EPHB2: variants seen among roughly 807,000 people sequenced by gnomAD.
EPHB2 encodes the protein EPH receptor B2.
EPHB2 carries 18 observed loss-of-function variants against 96.4 expected under a neutral mutation model. That is an observed-to-expected ratio of 0.19 (90% CI 0.13 to 0.28). The LOEUF (loss-of-function observed/expected upper bound fraction) is 0.28, where lower values mean the gene tolerates loss of function less well. EPHB2 is among the 10% of genes least tolerant of loss of function. EPHB2 has a pLI of 1.00. For missense variants in EPHB2, 989 were observed against 1,355.4 expected, an observed-to-expected ratio of 0.73 and a Z score of 4.25; for synonymous variants, 506 against 534.1, an observed-to-expected ratio of 0.95 and a Z score of 0.72.
intron 3 of EPHB2, among the ~76,000 whole-genome samples, chr1:22,805,114 A>C (rs1570310757): frequency 8.4e-6 from 1 of 119,110 alleles, no homozygotes; most frequent in Non-Finnish European, 1.7e-5. Flanking sequence ...TGCCCCCACC[A>C]CCTCCCAGGG....
intron 5 of EPHB2, among the ~76,000 whole-genome samples, chr1:22,874,039 C>T (rs965960903): frequency 5.9e-5 from 9 of 152,202 alleles, no homozygotes; most frequent in Admixed American, 3.3e-4. Flanking sequence ...CCTGCAGTCA[C>T]ACATTGGCCT....
rs148933716 is a variant in EPHB2 at position 22,720,130 on chromosome 1, T to A, written c.61+9087T>A. On this transcript the variant is annotated intron_variant, in intron 1 of 15. Transcript: ENST00000374630. ...CTAGTCTAGACTGCGCCTCTATCCA[T>A]GGCAATTAGCTCCCAAGATGGTGAA... 3.3e-4 allele frequency among the ~76,000 whole-genome samples: 50 copies of A among 152,280 alleles called. No homozygotes were observed. The East Asian group carries it at 8.9e-3, about 27-fold the overall frequency.
chr1:22,770,722 C>G (rs919399277), intron 1 of EPHB2, among the ~76,000 whole-genome samples: 3 of 152,190 alleles, frequency 2.0e-5, no homozygotes, highest in Admixed American at 6.5e-5. Context: ...TACTTAACCT[C>G]TCTGAAGGTT....
chr1:22,877,591 A>T (rs138926992), intron 5 of EPHB2, among the ~76,000 whole-genome samples: 2 of 151,852 alleles, frequency 1.3e-5, no homozygotes, highest in African/African-American at 4.8e-5. Flanking sequence ...CTGCTCCAAG[A>T]CCCTCTGAGC....
intron 1 of EPHB2, among the ~76,000 whole-genome samples, chr1:22,764,525 C>G (rs963357104): frequency 6.6e-6 from 1 of 152,102 alleles, no homozygotes; most frequent in African/African-American, 2.4e-5. Flanking sequence ...CCAGGCGGAT[C>G]ATTTGAGGCC....
At position 22,915,979 on chromosome 1, in the gene EPHB2, C is replaced by A. The variant is rs1338387454; in HGVS notation, c.*2409C>A. 6.6e-6 allele frequency: 1 copy of A among 152,390 alleles called. No individual in the cohort carries two copies. Among genetic ancestry groups the A allele is most frequent in the African/African-American group, 2.4e-5 (1 of 41,450 alleles). The allele number at this position is 152,390 out of a possible 1,614,324, so 9.4% of individuals were successfully genotyped here. ...GCCCATCGTCTGTCACTCACCTGTT[C>A]CGGGAGCCTGAGCTGCAAAGGGAAG... On this transcript the variant is annotated 3_prime_UTR_variant, in exon 16 of 16. Coordinates refer to ENST00000374630, the MANE Select transcript of EPHB2 (RefSeq NM_017449.5).
chr1:22,818,559 T>C (rs1198054547), intron 3 of EPHB2, among the ~76,000 whole-genome samples: 1 of 151,988 alleles, frequency 6.6e-6, no homozygotes, highest in Admixed American at 6.6e-5. Context: ...AGGATAAAGG[T>C]CAAACTCCTT....
chr1:22,761,370 C>T (rs1334953267), intron 1 of EPHB2, among the ~76,000 whole-genome samples: 1 of 152,210 alleles, frequency 6.6e-6, no homozygotes, highest in Non-Finnish European at 1.5e-5. Context: ...GTACTTTATA[C>T]TTCCATCTGA....
rs1170940891 is a variant in EPHB2, at chr1:22,790,828, G to A, written c.811+5752G>A. 6.6e-6 allele frequency among the ~76,000 whole-genome samples: 1 copy of A among 152,206 alleles called. No homozygotes were observed. Among genetic ancestry groups the A allele is most frequent in the Non-Finnish European group, 1.5e-5 (1 of 68,044 alleles). ...GCTAGCCAGCTCGGGGTGGTTGCAC[G>A]CACATGTTGATTCGCTGGCTCCAGC... is the stretch of plus-strand genomic sequence containing the variant. On this transcript the variant is annotated intron_variant, in intron 3 of 15. Transcript: ENST00000374630. This position sits in a 1 kb window ranked among gnomAD's most constrained non-coding sequence, Gnocchi z 4.0.
chr1:22,890,894 C>T (rs748282217), intron 6 of EPHB2, among the ~76,000 whole-genome samples: 8 of 152,178 alleles, frequency 5.3e-5, no homozygotes, highest in Non-Finnish European at 1.0e-4. Context: ...CCTGAGGCCT[C>T]CCCAGGCATG....
chr1:22,787,611 G>A lies in EPHB2; in HGVS notation c.811+2535G>A, dbSNP rs12066464. Among the ~76,000 whole-genome samples, 633 of 152,214 alleles carry A rather than the reference G, an allele frequency of 4.2e-3. 10 individuals carry two copies. Among genetic ancestry groups the A allele is most frequent in the African/African-American group, 0.014 (597 of 41,530 alleles). Reference sequence around the variant, plus strand: ...CAAAGAAAGAAAAAGAAAAAAATTAGCCAGGTGTGGTGATGTGCATCTGTA... The same window carrying A: ...CAAAGAAAGAAAAAGAAAAAAATTAACCAGGTGTGGTGATGTGCATCTGTA... On this transcript the variant is annotated intron_variant, in intron 3 of 15. Coordinates refer to ENST00000374630, the MANE Select transcript of EPHB2 (RefSeq NM_017449.5).
chr1:22,782,062 T>A (rs541516494), intron 2 of EPHB2, among the ~76,000 whole-genome samples: 4 of 152,266 alleles, frequency 2.6e-5, no homozygotes, highest in African/African-American at 7.2e-5. Context: ...GGGTCTATGC[T>A]GTGAGCTCTC....
chr1:22,738,717 T>G (rs938242638), intron 1 of EPHB2, among the ~76,000 whole-genome samples: 3 of 152,204 alleles, frequency 2.0e-5, no homozygotes, highest in Non-Finnish European at 4.4e-5. Context: ...ATTCCTTGCA[T>G]TCAACAATTG....
In EPHB2 at chr1:22,786,164, T is replaced by A. The variant is rs72880958; in HGVS notation, c.811+1088T>A. The stretch of plus-strand genomic sequence containing the variant: ...AATCACCCCTTCCACTCACTAGCGG[T>A]ATCACCTTGGCCAAGTGTAAAACCC... On this transcript the variant is annotated intron_variant, in intron 3 of 15. Coordinates refer to ENST00000374630, the MANE Select transcript of EPHB2 (RefSeq NM_017449.5). 4.4e-3 allele frequency among the ~76,000 whole-genome samples: 670 copies of A among 152,318 alleles called. 4 individuals are homozygous for A. The highest frequency in any genetic ancestry group is 0.015 in the African/African-American group (632 of 41,572).
chr1:22,739,421 G>T (rs1643878521), intron 1 of EPHB2, among the ~76,000 whole-genome samples: 2 of 152,076 alleles, frequency 1.3e-5, no homozygotes, highest in South Asian at 2.1e-4. Flanking sequence ...TCACCTTGTT[G>T]GCCAGGCTGG....
intron 6 of EPHB2, among the ~76,000 whole-genome samples, chr1:22,891,735 C>T (rs1639393988): frequency 6.6e-6 from 1 of 151,878 alleles, no homozygotes. Context: ...TTGGGGTACC[C>T]AAAGGCATGG....
intron 9 of EPHB2, among the ~76,000 whole-genome samples, chr1:22,902,154 C>T (rs532589003): frequency 9.9e-5 from 15 of 152,278 alleles, no homozygotes; most frequent in African/African-American, 3.1e-4. Flanking sequence ...CCAATTTCCT[C>T]GTCTGAAAAA....
At chr1:22,830,544 G>T (rs1333213939) in intron 3 of EPHB2, among the ~76,000 whole-genome samples, 2 of 152,192 alleles carry the variant, frequency 1.3e-5, no homozygotes, top group Non-Finnish European at 2.9e-5. Flanking sequence ...GGCCCTTAAT[G>T]TGTTCAAAAT....
intron 1 of EPHB2, among the ~76,000 whole-genome samples, chr1:22,724,719 C>A (rs1023715541): frequency 2.0e-5 from 3 of 152,198 alleles, no homozygotes. Flanking sequence ...CAGCAGATGG[C>A]AGCTTCCCAC....
Sources: allele counts gnomAD v4.1 joint callset (sites outside exome capture counted in the v4.1 genomes callset), GRCh38; gene constraint gnomAD v4.1.1; non-coding constraint Gnocchi (gnomAD v3.1); transcripts MANE v1.5; gene names NCBI Gene and HGNC (gene_info 2026-07-23, HGNC 2026-07-21).